The following UST variants were observed in gnomAD, a reference collection of about 807,000 sequenced individuals.
UST encodes the protein chondroitin sulfate 2-O-sulfotransferase.
Under a neutral mutation model 45.6 loss-of-function variants are expected in UST, and 21 were observed. The ratio of observed to expected loss-of-function variants is 0.46; its 90% confidence interval spans 0.33 to 0.66. UST has a LOEUF of 0.66. Ranked by LOEUF, UST falls within the 30% of genes least tolerant of loss-of-function variation. The pLI is 0.02. For synonymous variants in UST, 215 were observed against 200.6 expected (o/e 1.07, Z -0.61); for missense variants, 463 against 512.4 (o/e 0.90, Z 0.93).
chr6:148,850,556 G>A (rs1016789943), intron 1 of UST, among the ~76,000 whole-genome samples: 1 of 152,168 alleles, frequency 6.6e-6, no homozygotes, highest in Non-Finnish European at 1.5e-5. Context: ...CTTGGCAATA[G>A]TGGCCTCATT....
At chr6:148,984,676 A>G (rs1329457468) in intron 5 of UST, among the ~76,000 whole-genome samples, 1 of 152,172 alleles carries the variant, frequency 6.6e-6, no homozygotes, top group Non-Finnish European at 1.5e-5. Flanking sequence ...CTCGGGCTAT[A>G]GGTGTGCACT....
chr6:148,816,070 ACGGGATTGTTGGGTG>A, intron 1 of UST, among the ~76,000 whole-genome samples: 1 of 152,314 alleles, frequency 6.6e-6, no homozygotes, highest in Admixed American at 6.5e-5. Flanking sequence ...ATTCTGCAAC[ACGGGATTGTTGGGTG>A]CCTCAGGATG....
chr6:149,003,400 A>G (rs1041758821), intron 5 of UST, among the ~76,000 whole-genome samples: 3 of 152,024 alleles, frequency 2.0e-5, no homozygotes, highest in Non-Finnish European at 2.9e-5. Context: ...TTTTGCCAAA[A>G]TATTTTAACG....
chr6:148,882,212 G>T (rs1778834698), intron 1 of UST, among the ~76,000 whole-genome samples: 1 of 152,018 alleles, frequency 6.6e-6, no homozygotes, highest in South Asian at 2.1e-4. Flanking sequence ...CTGGTTGGGC[G>T]CAGTGGCTCA....
intron 5 of UST, among the ~76,000 whole-genome samples, chr6:149,014,720 AGGCAT>A (rs1322685306): frequency 1.3e-5 from 2 of 152,174 alleles, no homozygotes; most frequent in Non-Finnish European, 2.9e-5. Flanking sequence ...GGAAGAGCAA[AGGCAT>A]GAGATGAATT....
chr6:148,751,125 T>C (rs1775982516), intron 1 of UST, among the ~76,000 whole-genome samples: 1 of 152,220 alleles, frequency 6.6e-6, no homozygotes, highest in South Asian at 2.1e-4. Flanking sequence ...AAGTATTGCT[T>C]TCTGGAGGCT....
chr6:148,761,865 G>T (rs1776229656), intron 1 of UST, among the ~76,000 whole-genome samples: 1 of 152,226 alleles, frequency 6.6e-6, no homozygotes, highest in African/African-American at 2.4e-5. Flanking sequence ...TTGAAAATGT[G>T]TTGCGTGCTC....
chr6:148,775,078 A>C (rs1480772306), intron 1 of UST, among the ~76,000 whole-genome samples: 2 of 152,130 alleles, frequency 1.3e-5, no homozygotes. Context: ...TTGACTTCAT[A>C]ATGATCTCAC....
chr6:148,982,038 G>A (rs1305135753), intron 5 of UST, among the ~76,000 whole-genome samples: 2 of 152,020 alleles, frequency 1.3e-5, no homozygotes, highest in Non-Finnish European at 2.9e-5. Context: ...GGAGAAGCAT[G>A]CTATGTCTTC....
At chr6:148,824,535 A>G (rs1194398247) in intron 1 of UST, among the ~76,000 whole-genome samples, 2 of 152,180 alleles carry the variant, frequency 1.3e-5, no homozygotes, top group African/African-American at 2.4e-5. Flanking sequence ...GACACATCCA[A>G]TCACCATCAT....
intron 7 of UST, among the ~76,000 whole-genome samples, chr6:149,035,018 A>G (rs1727677614): frequency 1.3e-5 from 2 of 151,942 alleles, no homozygotes; most frequent in African/African-American, 4.8e-5. Flanking sequence ...AATTCTTAAC[A>G]TTTTGTTTCT....
intron 2 of UST, among the ~76,000 whole-genome samples, chr6:148,916,779 T>TTTTGAGTACAGTGTCGTA (rs1330037264): frequency 6.6e-6 from 1 of 152,180 alleles, no homozygotes; most frequent in Non-Finnish European, 1.5e-5. Flanking sequence ...AGGCCTCAGA[T>TTTTGAGTACAGTGTCGTA]TTTGAGTACA....
intron 2 of UST, among the ~76,000 whole-genome samples, chr6:148,891,980 A>G (rs1779027258): frequency 6.6e-6 from 1 of 152,258 alleles, no homozygotes; most frequent in Non-Finnish European, 1.5e-5. Flanking sequence ...AAAGAATACC[A>G]TCCCACATTC....
intron 1 of UST, among the ~76,000 whole-genome samples, chr6:148,780,070 CAT>C (rs1325650913): frequency 5.2e-5 from 6 of 116,296 alleles, no homozygotes; most frequent in African/African-American, 1.0e-4. Context: ...TATACAAATA[CAT>C]GTGTGTGTAT....
intron 1 of UST, among the ~76,000 whole-genome samples, chr6:148,814,092 C>T (rs180789340): frequency 1.5e-4 from 23 of 152,232 alleles, no homozygotes; most frequent in African/African-American, 3.1e-4. Flanking sequence ...ATGTTATGGG[C>T]GCTCAATAAA....
At chr6:148,887,084 C>T in intron 2 of UST, 55 bp downstream of exon 2, 1 of 1,368,294 alleles carries the variant, frequency 7.3e-7, no homozygotes, top group African/African-American at 1.4e-5. Flanking sequence ...TACTTACAGC[C>T]TCCAACAAGC....
intron 1 of UST, among the ~76,000 whole-genome samples, chr6:148,759,236 G>T (rs1333433089): frequency 6.6e-6 from 1 of 152,162 alleles, no homozygotes. Context: ...GGCATTGGAA[G>T]TCCTTTTAAA....
At chr6:148,985,738 C>T (rs990965323) in intron 5 of UST, among the ~76,000 whole-genome samples, 4 of 152,114 alleles carry the variant, frequency 2.6e-5, no homozygotes, top group African/African-American at 9.7e-5. Flanking sequence ...CTTTCAGGAT[C>T]ACTTACCAAA....
chr6:149,019,113 T>C, intron 5 of UST, 26 bp from the exon 6 acceptor site: 1 of 1,548,134 alleles, frequency 6.5e-7, no homozygotes, highest in Non-Finnish European at 8.9e-7. Context: ...CTACAAGACA[T>C]CTGACTGCTG....
Sources: gnomAD v4.1 joint callset for allele counts (sites outside exome capture counted in the v4.1 genomes callset) on GRCh38, gnomAD v4.1.1 for gene constraint, MANE v1.5 for transcripts, NCBI Gene and HGNC (gene_info 2026-07-23, HGNC 2026-07-21) for gene names.